Variants in NOL4 observed in about 807,000 individuals in gnomAD.
NOL4 encodes the protein cancer/testis antigen 125.
Under a neutral mutation model 75.9 loss-of-function variants are expected in NOL4, and 17 were observed. That is an observed-to-expected ratio of 0.22 (90% CI 0.15 to 0.34). The LOEUF (loss-of-function observed/expected upper bound fraction) is 0.34, where lower values mean the gene tolerates loss of function less well. Ranked by LOEUF, NOL4 falls within the 10% of genes least tolerant of loss-of-function variation. The pLI is 1.00. For missense variants in NOL4, 614 were observed against 793.5 expected (o/e 0.77, Z 2.72); for synonymous variants, 292 against 289.9 (o/e 1.01, Z -0.07).
intron 1 of NOL4, among the ~76,000 whole-genome samples, chr18:34,171,505 T>C (rs2033038449): frequency 6.6e-6 from 1 of 152,116 alleles, no homozygotes; most frequent in African/African-American, 2.4e-5. Context: ...ATCGAAGATA[T>C]TGTAGAGTTT....
chr18:33,933,486 C>G (rs1166902713), intron 9 of NOL4, among the ~76,000 whole-genome samples: 2 of 152,078 alleles, frequency 1.3e-5, no homozygotes, highest in African/African-American at 2.4e-5. Context: ...AGTATTTTGC[C>G]CATAGTAGAG....
chr18:33,970,121 C>T (rs192938204), intron 6 of NOL4, among the ~76,000 whole-genome samples: 3 of 152,262 alleles, frequency 2.0e-5, no homozygotes, highest in Admixed American at 2.0e-4. Flanking sequence ...GAGGAACACA[C>T]TTTGAGTTCT....
intron 9 of NOL4, among the ~76,000 whole-genome samples, chr18:33,930,793 T>C (rs75119483): frequency 6.6e-6 from 1 of 152,056 alleles, no homozygotes; most frequent in African/African-American, 2.4e-5. Flanking sequence ...TGATAGCTTT[T>C]GAAATTAAAA....
intron 4 of NOL4, among the ~76,000 whole-genome samples, chr18:34,101,050 G>T (rs985311859): frequency 7.2e-5 from 11 of 152,200 alleles, no homozygotes; most frequent in African/African-American, 2.4e-4. Flanking sequence ...GAATCTGTCA[G>T]CAAAACTTAA....
intron 10 of NOL4, among the ~76,000 whole-genome samples, chr18:33,854,297 T>C (rs572926409): frequency 6.6e-6 from 1 of 152,158 alleles, no homozygotes; most frequent in East Asian, 1.9e-4. Flanking sequence ...GAGAGGGAAA[T>C]AGCTTCACTT....
intron 9 of NOL4, among the ~76,000 whole-genome samples, chr18:33,923,540 A>G (rs1217756092): frequency 6.6e-6 from 1 of 152,098 alleles, no homozygotes; most frequent in African/African-American, 2.4e-5. Context: ...GCACTTCCAC[A>G]TTTATGCTAA....
At chr18:33,943,432 C>T (rs1048371110) in intron 8 of NOL4, among the ~76,000 whole-genome samples, 1 of 151,812 alleles carries the variant, frequency 6.6e-6, no homozygotes, top group Non-Finnish European at 1.5e-5. Context: ...AAGTATCTAG[C>T]CTGGGTCATG....
chr18:34,031,775 G>A (rs1255242673), intron 5 of NOL4, among the ~76,000 whole-genome samples: 1 of 152,198 alleles, frequency 6.6e-6, no homozygotes, highest in Non-Finnish European at 1.5e-5. Flanking sequence ...CAAGGAAAGA[G>A]TAAGTGAGAA....
At chr18:34,141,415 A>G (rs1272033353) in intron 1 of NOL4, among the ~76,000 whole-genome samples, 24 of 152,060 alleles carry the variant, frequency 1.6e-4, no homozygotes, top group African/African-American at 5.8e-4. Flanking sequence ...GAGGCATCAC[A>G]CTACCTGACT....
rs150187942 is a variant in NOL4 at position 34,204,024 on chromosome 18, C to T, written c.264+18966G>A. Among the ~76,000 whole-genome samples, 50 of 152,028 alleles carry T rather than the reference C, an allele frequency of 3.3e-4. No homozygotes were observed. The East Asian group carries it at 9.7e-3, about 29-fold the overall frequency. On this transcript the variant is annotated intron_variant, in intron 1 of 10. Transcript: ENST00000261592. ...ACAGTGTAGACAGTGTATACCTCTC[C>T]TCATTATTTCCTGGCCTCACCTGAA...
At chr18:34,019,690 T>C in intron 5 of NOL4, 89 bp from the exon 6 acceptor site, 1 of 1,161,858 alleles carries the variant, frequency 8.6e-7, no homozygotes, top group Non-Finnish European at 1.2e-6. Context: ...TCCCATTATA[T>C]GAATGGCATT....
At chr18:33,926,600 G>A (rs1279162398) in intron 9 of NOL4, among the ~76,000 whole-genome samples, 1 of 147,456 alleles carries the variant, frequency 6.8e-6, no homozygotes, top group Non-Finnish European at 1.5e-5. Context: ...TAAGATTTTT[G>A]TTTGTTTGTT....
At chr18:33,976,868 G>C (rs2071526543) in intron 6 of NOL4, among the ~76,000 whole-genome samples, 4 of 152,046 alleles carry the variant, frequency 2.6e-5, no homozygotes, top group Admixed American at 2.6e-4. Context: ...AAAGGAAGTA[G>C]TTTTATATAA....
intron 5 of NOL4, among the ~76,000 whole-genome samples, chr18:34,042,756 T>C (rs2076195357): frequency 6.6e-6 from 1 of 152,090 alleles, no homozygotes; most frequent in African/African-American, 2.4e-5. Flanking sequence ...AGAAATCTCA[T>C]GTGCTAAAGC....
intron 9 of NOL4, among the ~76,000 whole-genome samples, chr18:33,917,283 G>A (rs893148487): frequency 1.3e-5 from 2 of 151,952 alleles, no homozygotes; most frequent in African/African-American, 4.8e-5. Flanking sequence ...CAGAGTTTCA[G>A]TAAAATTTTG....
At chr18:34,154,929 T>C (rs1426855744) in intron 1 of NOL4, among the ~76,000 whole-genome samples, 2 of 152,132 alleles carry the variant, frequency 1.3e-5, no homozygotes, top group African/African-American at 4.8e-5. Context: ...TTATTAGTTA[T>C]TTAGACGCCC....
rs542689655 is a variant in NOL4 at position 33,892,464 on chromosome 18, T to C, written c.1543-9040A>G. 8.5e-5 allele frequency among the ~76,000 whole-genome samples: 13 copies of C among 152,070 alleles called. No homozygotes were observed. The South Asian group carries it at 2.3e-3, about 27-fold the overall frequency. ...AATAAATAATAAATAAATAAATAAA[T>C]GAAATAATCATCATTATGAGTTCCC... is the stretch of plus-strand genomic sequence containing the variant. On this transcript the variant is annotated intron_variant, in intron 9 of 10. Coordinates refer to ENST00000261592, the MANE Select transcript of NOL4 (RefSeq NM_003787.5).
chr18:34,088,054 T>C (rs1245396423), intron 5 of NOL4, among the ~76,000 whole-genome samples: 1 of 151,806 alleles, frequency 6.6e-6, no homozygotes, highest in African/African-American at 2.4e-5. Context: ...CATAAATATA[T>C]TGGTAATATC....
chr18:34,024,215 A>ATATATATATATATATAT (rs1491509605), intron 5 of NOL4, among the ~76,000 whole-genome samples: 24 of 127,462 alleles, frequency 1.9e-4, no homozygotes, highest in African/African-American at 2.5e-4. Context: ...ATATATATAT[A>ATATATATATATATATAT]AAATCCTCAT....
Sources: allele counts gnomAD v4.1 joint callset (sites outside exome capture counted in the v4.1 genomes callset), GRCh38; gene constraint gnomAD v4.1.1; transcripts MANE v1.5; gene names NCBI Gene and HGNC (gene_info 2026-07-23, HGNC 2026-07-21).